The following PRDX3 variants were observed in gnomAD, a reference collection of about 807,000 sequenced individuals.
The protein encoded by PRDX3 is peroxiredoxin 3, also known as thioredoxin-dependent peroxide reductase, mitochondrial.
In PRDX3, 20 loss-of-function variants were observed where a neutral mutation model predicts 30.4. The ratio of observed to expected loss-of-function variants is 0.66; its 90% CI spans 0.46 to 0.96. The LOEUF is 0.96. Among genes scored for constraint, PRDX3 ranks in the 40% least tolerant of loss-of-function variants. The pLI is 0.00. For missense variants in PRDX3, 322 were observed against 318.3 expected, an observed-to-expected ratio of 1.01 and a Z score of -0.09; for synonymous variants, 124 against 117.8, an observed-to-expected ratio of 1.05 and a Z score of -0.34.
intron 2 of PRDX3, among the ~76,000 whole-genome samples, chr10:119,176,635 G>C (rs1848033710): frequency 1.3e-5 from 2 of 152,192 alleles, no homozygotes; most frequent in Non-Finnish European, 2.9e-5. Flanking sequence ...ACACAGGTTT[G>C]AATCTTAGAG....
intron 1 of PRDX3, among the ~76,000 whole-genome samples, chr10:119,177,685 G>A (rs1466583619): frequency 6.7e-6 from 1 of 149,654 alleles, no homozygotes; most frequent in Non-Finnish European, 1.5e-5. Flanking sequence ...AACTCCATGC[G>A]CTTAAAGCAA....
At position 119,174,009 on chromosome 10, in the gene PRDX3, T is replaced by C. The variant is rs760433578; in HGVS notation, c.312-137A>G. On this transcript the variant is annotated intron_variant, in intron 3 of 6. Transcript: ENST00000298510. ...TACCATCCTCACTGGACTATAGTGT[T>C]GTGCTGGCAAAAGTACTACTACCTC... 5 of 761,192 alleles carry C rather than the reference T, an allele frequency of 6.6e-6. No homozygotes were observed. In the African/African-American group the frequency reaches 9.0e-5, roughly 14 times the overall value. The allele number at this position is 761,192 out of a possible 1,614,324, so 47.2% of individuals were successfully genotyped here.
At chr10:119,169,056 C>A in intron 6 of PRDX3, 121 bp downstream of exon 6, 1 of 1,049,296 alleles carries the variant, frequency 9.5e-7, no homozygotes, top group Non-Finnish European at 1.4e-6. Context: ...CAGCTTCACC[C>A]ATTTGCATAT....
At chr10:119,177,237 G>A (rs953658165) in intron 1 of PRDX3, 84 bp from the exon 2 acceptor site, 2 of 1,442,800 alleles carry the variant, frequency 1.4e-6, no homozygotes, top group Non-Finnish European at 1.9e-6. Flanking sequence ...GGTGGTTTCA[G>A]CTGTCCCTGT....
rs981075930 is a variant in PRDX3 at position 119,174,574 on chromosome 10, G to T, written c.188C>A (p.Pro63His). ...ATAGGGTGCATGCTGGGTGACAGCA[G>T]GTGCATGGCATGAGGAACCTGAAAA... ...LFSTSSSCHAPAVTQHAPYFK... is the reference protein window; with the variant it reads ...LFSTSSSCHAHAVTQHAPYFK... The change falls in exon 3 of 7, where the codon CCT becomes CAT. Residue 63 changes from proline (P) to histidine (H), a missense_variant. Coordinates refer to ENST00000298510, the MANE Select transcript of PRDX3 (RefSeq NM_006793.5). The T allele has an allele frequency of 5.0e-6, 8 of 1,597,752 alleles. No individual in the cohort carries two copies. The highest frequency in any genetic ancestry group is 6.8e-6 in the Non-Finnish European group (8 of 1,175,652).
chr10:119,178,578 G>A (rs963207945), intron 1 of PRDX3, among the ~76,000 whole-genome samples, 177 bp downstream of exon 1: 50 of 152,372 alleles, frequency 3.3e-4, no homozygotes, highest in African/African-American at 1.2e-3. Flanking sequence ...GGGGAAGGGC[G>A]GTTCTGCGCA....
intron 2 of PRDX3, among the ~76,000 whole-genome samples, chr10:119,176,321 T>A (rs1848026628): frequency 6.6e-6 from 1 of 152,298 alleles, no homozygotes; most frequent in East Asian, 1.9e-4. Flanking sequence ...ATCACATCAC[T>A]ACTAGAAATA....
chr10:119,175,938 C>T (rs1476978890), intron 2 of PRDX3, among the ~76,000 whole-genome samples: 5 of 151,794 alleles, frequency 3.3e-5, no homozygotes, highest in Admixed American at 3.3e-4. Flanking sequence ...ACCACCACAC[C>T]CGGCTTATTT....
rs555972500 is a variant in PRDX3 at position 119,171,134 on chromosome 10, A to C, written c.551+1248T>G. On this transcript the variant is annotated intron_variant, in intron 5 of 6. Coordinates refer to ENST00000298510, the MANE Select transcript of PRDX3 (RefSeq NM_006793.5). ...CAGCTCACTGCAAGCTCCACCTCCC[A>C]GGTTCACGCCATTCTCCTGCCTCAG... 2.6e-5 allele frequency: 4 copies of C among 151,740 alleles called. No individual in the cohort carries two copies. The South Asian group carries it at 8.4e-4, about 32-fold the overall frequency. The allele number at this position is 151,740 out of a possible 1,614,324, so 9.4% of individuals were successfully genotyped here.
In PRDX3 at chr10:119,174,565, G is replaced by C; in HGVS notation, c.197C>G (p.Thr66Ser). 6.2e-7 allele frequency: 1 copy of C among 1,601,926 alleles called. No homozygotes were observed. The highest frequency in any genetic ancestry group is 8.5e-7 in the Non-Finnish European group (1 of 1,176,782). Residue 66 changes from threonine (T) to serine (S), a missense_variant, in exon 3 of 7, where the codon ACC (threonine) becomes AGC (serine). By Grantham distance (58) the Thr-to-Ser change is moderately conservative. Coordinates refer to ENST00000298510, the MANE Select transcript of PRDX3 (RefSeq NM_006793.5). Reference sequence around the variant, plus strand: ...ACCCTTAAAATAGGGTGCATGCTGGGTGACAGCAGGTGCATGGCATGAGGA... The same window carrying C: ...ACCCTTAAAATAGGGTGCATGCTGGCTGACAGCAGGTGCATGGCATGAGGA... The part of the protein sequence containing the change: ...TSSSCHAPAV[T>S]QHAPYFKGTA...
chr10:119,169,190 G>A lies in PRDX3; in HGVS notation c.704C>T (p.Pro235Leu), dbSNP rs745756246. ...HGEVCPANWTPDSPTIKPSPA... is the reference protein window; with the variant it reads ...HGEVCPANWTLDSPTIKPSPA... ...AAAAAAACCTACCGTAGGAGAATCC[G>A]GTGTCCAGTTCGCTGGGCAGACTTC... Residue 235 changes from proline (P) to leucine (L), a missense_variant, in exon 6 of 7, where the codon CCG (proline) becomes CTG (leucine). Transcript: ENST00000298510. 3.6e-5 allele frequency: 58 copies of A among 1,612,112 alleles called. No homozygotes were observed. The highest frequency in any genetic ancestry group is 9.9e-5 in the South Asian group (9 of 90,994).
chr10:119,175,992 C>T (rs1042141897), intron 2 of PRDX3, among the ~76,000 whole-genome samples: 4 of 151,728 alleles, frequency 2.6e-5, no homozygotes, highest in Non-Finnish European at 5.9e-5. Flanking sequence ...CCAGGTTGGC[C>T]AGGATGGTCT....
At chr10:119,174,342 A>G (rs369399353) in intron 3 of PRDX3, 109 bp downstream of exon 3, 40 of 1,336,062 alleles carry the variant, frequency 3.0e-5, no homozygotes, top group Non-Finnish European at 4.0e-5. Context: ...AAGGGTCAGA[A>G]AGAATCCTTC....
Position 119,172,424 on chromosome 10 carries a change from C to T in PRDX3, c.509G>A (p.Arg170Gln), listed in dbSNP as rs11554902. The change falls in exon 5 of 7, where the codon CGA becomes CAA. Residue 170 changes from arginine to glutamine, a missense_variant. By Grantham distance (43) the Arg-to-Gln change is conservative (BLOSUM62 1). Transcript: ENST00000298510. ...ACCTTCTAACAGCACACCGTAGTCT[C>T]GGGAAATCTGCTTAGTTAAGTCTGA... ...LLSDLTKQIS[R>Q]DYGVLLEGSG... 480 of 1,614,150 alleles carry T rather than the reference C, an allele frequency of 3.0e-4. 1 individual carries two copies. The African/African-American group carries it at 5.5e-3, about 19-fold the overall frequency.
intron 3 of PRDX3, 140 bp downstream of exon 3, chr10:119,174,311 T>C (rs1408810844): frequency 9.2e-7 from 1 of 1,086,558 alleles, no homozygotes; most frequent in Admixed American, 3.0e-5. Context: ...CCAGCTGTAA[T>C]CAACAAGGCC....
chr10:119,173,065 A>T (rs1226368713), intron 4 of PRDX3, among the ~76,000 whole-genome samples: 1 of 151,960 alleles, frequency 6.6e-6, no homozygotes, highest in Non-Finnish European at 1.5e-5. Context: ...CAGCCTCCCG[A>T]GTAGCTGGGA....
chr10:119,174,849 G>A, intron 2 of PRDX3: 1 of 360,472 alleles, frequency 2.8e-6, no homozygotes, highest in South Asian at 8.3e-5. Context: ...ACACCCTCCA[G>A]TATACTTAAA....
intron 5 of PRDX3, chr10:119,170,565 G>A (rs747507153): frequency 6.6e-6 from 1 of 151,824 alleles, no homozygotes; most frequent in Non-Finnish European, 1.5e-5. Context: ...GAAAGACCTA[G>A]GCATTCGTTT....
intron 1 of PRDX3, among the ~76,000 whole-genome samples, chr10:119,178,148 CCACCGCA>C (rs1848084652): frequency 1.3e-5 from 2 of 152,094 alleles, no homozygotes; most frequent in African/African-American, 4.8e-5. Context: ...CAGGCGTGAG[CCACCGCA>C]CTCTGCCGGT....
Sources: allele counts gnomAD v4.1 joint callset (sites outside exome capture counted in the v4.1 genomes callset), GRCh38; gene constraint gnomAD v4.1.1; transcripts MANE v1.5; gene names NCBI Gene and HGNC (gene_info 2026-07-23, HGNC 2026-07-21).